NALF1: variants seen among roughly 807,000 people sequenced by gnomAD.
NALF1 encodes the protein family with sequence similarity 155 member A.
NALF1 carries 3 observed loss-of-function variants against 48.4 expected under a neutral mutation model. The observed-to-expected ratio is 0.06, with a 90% CI of 0.03 to 0.16. NALF1 has a LOEUF of 0.16. Among genes scored for constraint, NALF1 ranks in the 10% least tolerant of loss-of-function variants. The pLI, the probability that NALF1 is intolerant of heterozygous loss-of-function variation, is 1.00. For missense variants in NALF1, 526 were observed against 571.5 expected (o/e 0.92, Z 0.81); for synonymous variants, 262 against 245.7 (o/e 1.07, Z -0.62).
chr13:107,427,216 A>G (rs955923731), intron 1 of NALF1, among the ~76,000 whole-genome samples: 2 of 151,652 alleles, frequency 1.3e-5, no homozygotes, highest in African/African-American at 2.4e-5. Context: ...TTCATTAAGT[A>G]ATTTTTAAAT....
chr13:107,241,905 C>T (rs1231410138), intron 1 of NALF1, among the ~76,000 whole-genome samples: 1 of 152,134 alleles, frequency 6.6e-6, no homozygotes, highest in Non-Finnish European at 1.5e-5. Context: ...AAGACATACC[C>T]CACGGAATGG....
At chr13:107,654,866 T>C (rs1880536688) in intron 1 of NALF1, among the ~76,000 whole-genome samples, 1 of 152,062 alleles carries the variant, frequency 6.6e-6, no homozygotes, top group Non-Finnish European at 1.5e-5. Flanking sequence ...ATAAATGTGA[T>C]ACACCACCTA....
intron 1 of NALF1, among the ~76,000 whole-genome samples, chr13:107,705,559 C>T (rs960393053): frequency 2.0e-5 from 3 of 151,922 alleles, no homozygotes; most frequent in Admixed American, 2.0e-4. Context: ...ACCATGCTTA[C>T]ACAGTGATGC....
At chr13:107,682,502 T>A (rs1881332245) in intron 1 of NALF1, among the ~76,000 whole-genome samples, 1 of 152,038 alleles carries the variant, frequency 6.6e-6, no homozygotes, top group African/African-American at 2.4e-5. Flanking sequence ...CTGTGCCCCA[T>A]CCACATTCAG....
At chr13:107,575,459 G>A (rs922467081) in intron 1 of NALF1, among the ~76,000 whole-genome samples, 1 of 152,112 alleles carries the variant, frequency 6.6e-6, no homozygotes, top group Non-Finnish European at 1.5e-5. Flanking sequence ...TTTTAGCAGA[G>A]AGTCCCTGAC....
intron 1 of NALF1, among the ~76,000 whole-genome samples, chr13:107,326,423 T>G (rs1882365852): frequency 6.6e-6 from 1 of 152,156 alleles, no homozygotes; most frequent in Non-Finnish European, 1.5e-5. Context: ...CGATTGACCT[T>G]TCCTCCATGC....
chr13:107,498,674 G>T (rs1260625279), intron 1 of NALF1, among the ~76,000 whole-genome samples: 1 of 152,136 alleles, frequency 6.6e-6, no homozygotes, highest in Non-Finnish European at 1.5e-5. Flanking sequence ...ATCAGGAAGG[G>T]AAGGAAAATG....
chr13:107,792,625 C>A (rs1878284288), intron 1 of NALF1, among the ~76,000 whole-genome samples: 1 of 152,094 alleles, frequency 6.6e-6, no homozygotes, highest in South Asian at 2.1e-4. Context: ...TCTTTCTAGA[C>A]ACGAGTTTGA....
rs556853505 is a variant in NALF1, at chr13:107,706,991, C to G, written c.915+158691G>C. On this transcript the variant is annotated intron_variant, in intron 1 of 2. Transcript: ENST00000375915. ...AGGCTGGAGTGCAGTGGCGTGATCTCGGCTCACTGCAAGCTCCGCCTCCCG... is the reference window on the plus strand; with the variant it reads ...AGGCTGGAGTGCAGTGGCGTGATCTGGGCTCACTGCAAGCTCCGCCTCCCG... Among the ~76,000 whole-genome samples, 1,001 of 124,536 alleles carry G rather than the reference C, an allele frequency of 8.0e-3. 10 individuals are homozygous for G. Among genetic ancestry groups the G allele is most frequent in the Middle Eastern group, 0.045 (6 of 134 alleles). 81.7% of individuals were successfully genotyped at this position (124,536 alleles called of 152,430 possible).
chr13:107,402,443 C>T (rs1883825228), intron 1 of NALF1, among the ~76,000 whole-genome samples: 1 of 152,166 alleles, frequency 6.6e-6, no homozygotes, highest in Non-Finnish European at 1.5e-5. Flanking sequence ...CTTACTTAAG[C>T]TGGTCTAGGA....
At chr13:107,181,640 T>C (rs146370941) in intron 2 of NALF1, among the ~76,000 whole-genome samples, 2,335 of 151,070 alleles carry the variant, frequency 0.015, 39 homozygotes, top group South Asian at 0.041. Context: ...AATGTTAGTA[T>C]TGGATAACCA....
chr13:107,315,461 T>C (rs1882129425), intron 1 of NALF1, among the ~76,000 whole-genome samples: 2 of 152,130 alleles, frequency 1.3e-5, no homozygotes, highest in South Asian at 4.1e-4. Context: ...TGGAAAGTCT[T>C]CTATAATCTA....
At chr13:107,634,171 G>T (rs1879912948) in intron 1 of NALF1, among the ~76,000 whole-genome samples, 1 of 152,036 alleles carries the variant, frequency 6.6e-6, no homozygotes, top group South Asian at 2.1e-4. Context: ...CAGAAAAAAT[G>T]TATTTAGTGA....
At chr13:107,178,266 A>G (rs1878981891) in intron 2 of NALF1, among the ~76,000 whole-genome samples, 1 of 152,234 alleles carries the variant, frequency 6.6e-6, no homozygotes, top group South Asian at 2.1e-4. Context: ...ACGAAGAGAC[A>G]GCCCACAGAA....
At chr13:107,629,307 C>T (rs558472231) in intron 1 of NALF1, among the ~76,000 whole-genome samples, 1 of 152,274 alleles carries the variant, frequency 6.6e-6, no homozygotes, top group South Asian at 2.1e-4. Context: ...TGTACACATA[C>T]TTATTCAGGC....
chr13:107,248,610 A>G (rs908347396), intron 1 of NALF1, among the ~76,000 whole-genome samples: 1 of 149,640 alleles, frequency 6.7e-6, no homozygotes, highest in African/African-American at 2.5e-5. Flanking sequence ...TTAAATTTAA[A>G]TTCAGATTAA....
chr13:107,632,624 C>T (rs1295780817), intron 1 of NALF1, among the ~76,000 whole-genome samples: 3 of 152,106 alleles, frequency 2.0e-5, no homozygotes, highest in African/African-American at 7.2e-5. Flanking sequence ...ATGTCACTTG[C>T]TCCTACTCCC....
intron 1 of NALF1, among the ~76,000 whole-genome samples, chr13:107,320,671 C>A (rs1024738909): frequency 9.2e-5 from 14 of 152,042 alleles, no homozygotes; most frequent in African/African-American, 3.4e-4. Flanking sequence ...TCACTAAGTA[C>A]TATATCCCAG....
At chr13:107,725,856 G>A (rs563629707) in intron 1 of NALF1, among the ~76,000 whole-genome samples, 10 of 152,248 alleles carry the variant, frequency 6.6e-5, no homozygotes, top group Admixed American at 5.2e-4. Flanking sequence ...AAATTCAACC[G>A]TTTTGGTTTT....
Sources: gnomAD v4.1 joint callset for allele counts (sites outside exome capture counted in the v4.1 genomes callset) on GRCh38, gnomAD v4.1.1 for gene constraint, MANE v1.5 for transcripts, NCBI Gene and HGNC (gene_info 2026-07-23, HGNC 2026-07-21) for gene names.